Variants in KIAA1217 observed in about 807,000 individuals in gnomAD.
KIAA1217 encodes the protein sickle tail protein homolog.
KIAA1217 carries 88 observed loss-of-function variants against 163.9 expected under a neutral mutation model. The ratio of observed to expected loss-of-function variants is 0.54; its 90% CI spans 0.45 to 0.64. The LOEUF (loss-of-function observed/expected upper bound fraction) is 0.64, where lower values mean the gene tolerates loss of function less well. KIAA1217 is among the 30% of genes least tolerant of loss of function. The pLI is 0.00. For missense variants in KIAA1217, 2,372 were observed against 2,475.0 expected, an observed-to-expected ratio of 0.96 and a Z score of 0.88; for synonymous variants, 903 against 923.1, an observed-to-expected ratio of 0.98 and a Z score of 0.39.
intron 17 of KIAA1217, among the ~76,000 whole-genome samples, chr10:24,538,598 AAGGAAGGAAAAAGAG>A (rs1265320466): frequency 0.021 from 1,549 of 74,854 alleles, 31 homozygotes; most frequent in African/African-American, 0.054. Context: ...GGAAGGAAGG[AAGGAAGGAAAAAGAG>A]AGGAAGGAAA....
chr10:24,325,526 T>G (rs894658411), intron 2 of KIAA1217, among the ~76,000 whole-genome samples: 22 of 152,260 alleles, frequency 1.4e-4, no homozygotes, highest in African/African-American at 5.1e-4. Context: ...AGGTCTCAGA[T>G]AGTTAAGGCA....
At chr10:24,097,297 A>G (rs2062201976) in intron 2 of KIAA1217, among the ~76,000 whole-genome samples, 1 of 152,204 alleles carries the variant, frequency 6.6e-6, no homozygotes, top group Non-Finnish European at 1.5e-5. Flanking sequence ...CATGCCTATA[A>G]TCCCAGTTAC....
chr10:24,223,062 G>C (rs2069884479), intron 2 of KIAA1217, among the ~76,000 whole-genome samples: 1 of 152,132 alleles, frequency 6.6e-6, no homozygotes, highest in Non-Finnish European at 1.5e-5. Flanking sequence ...GGCCATGTTG[G>C]TTTGGTAGGT....
intron 1 of KIAA1217, among the ~76,000 whole-genome samples, chr10:23,899,725 G>T (rs966811393): frequency 6.6e-6 from 1 of 152,064 alleles, no homozygotes; most frequent in Non-Finnish European, 1.5e-5. Flanking sequence ...AAAGCTCAGA[G>T]GACCACAGTC....
chr10:24,510,871 A>T (rs1369015466), intron 9 of KIAA1217, among the ~76,000 whole-genome samples: 1 of 152,106 alleles, frequency 6.6e-6, no homozygotes, highest in Non-Finnish European at 1.5e-5. Flanking sequence ...CCATTTAGAG[A>T]AGAATTTTGG....
intron 2 of KIAA1217, among the ~76,000 whole-genome samples, chr10:24,120,651 T>G (rs1161046160): frequency 6.6e-6 from 1 of 152,208 alleles, no homozygotes; most frequent in Admixed American, 6.5e-5. Flanking sequence ...CAGTAGACTT[T>G]GCCTTCTTTA....
chr10:24,494,079 T>C (rs1268889634), intron 6 of KIAA1217, among the ~76,000 whole-genome samples: 1 of 152,072 alleles, frequency 6.6e-6, no homozygotes, highest in Non-Finnish European at 1.5e-5. Flanking sequence ...CCAAAACCAC[T>C]CCGCAGCCTC....
intron 2 of KIAA1217, among the ~76,000 whole-genome samples, chr10:24,371,407 A>G (rs974040988): frequency 6.6e-6 from 1 of 152,210 alleles, no homozygotes; most frequent in Non-Finnish European, 1.5e-5. Context: ...AAAATTCCAA[A>G]TTTACCTAGA....
At chr10:24,484,302 T>TG (rs2065112647) in intron 6 of KIAA1217, among the ~76,000 whole-genome samples, 2 of 139,300 alleles carry the variant, frequency 1.4e-5, no homozygotes, top group African/African-American at 5.3e-5. Context: ...TGGAGTGCAG[T>TG]GGCATGATCT....
chr10:23,974,908 C>G (rs767830165), intron 1 of KIAA1217, among the ~76,000 whole-genome samples: 50 of 149,750 alleles, frequency 3.3e-4, no homozygotes, highest in Non-Finnish European at 6.1e-4. Context: ...TAGGCATCTG[C>G]TCTTTGGCCA....
rs1236254771 is a variant in KIAA1217 at position 24,108,698 on chromosome 10, T to C, written c.-171+101324T>C. On this transcript the variant is annotated intron_variant, in intron 2 of 18. Coordinates refer to the KIAA1217 transcript ENST00000376462. ...TTATTGTCATGTCACAGAATGATAC[T>C]TGATAAGTCTATTCAATCATGCCAA... 3.3e-5 allele frequency among the ~76,000 whole-genome samples: 5 copies of C among 152,208 alleles called. No individual in the cohort carries two copies. The East Asian group carries it at 9.6e-4, about 29-fold the overall frequency.
intron 1 of KIAA1217, among the ~76,000 whole-genome samples, chr10:23,884,626 A>T (rs139857740): frequency 1.0e-3 from 157 of 152,072 alleles, no homozygotes; most frequent in Non-Finnish European, 1.3e-3. Context: ...CAAGGTAGGG[A>T]GGCCTCTTTC....
intron 2 of KIAA1217, among the ~76,000 whole-genome samples, chr10:24,098,715 G>A (rs2062262208): frequency 1.3e-5 from 2 of 148,692 alleles, no homozygotes; most frequent in African/African-American, 5.1e-5. Flanking sequence ...CCTCCCCTCT[G>A]AAGGGGAGCG....
At chr10:24,483,806 C>A (rs2133379915) in intron 6 of KIAA1217, among the ~76,000 whole-genome samples, 1 of 152,266 alleles carries the variant, frequency 6.6e-6, no homozygotes, top group South Asian at 2.1e-4. Context: ...CACAAATGTT[C>A]CAGATTAGCC....
At chr10:23,817,984 T>TACAC (rs1564447633) in intron 1 of KIAA1217, among the ~76,000 whole-genome samples, 1 of 116,512 alleles carries the variant, frequency 8.6e-6, no homozygotes, top group African/African-American at 3.5e-5. Flanking sequence ...TATATATATA[T>TACAC]ATATATATAT....
At chr10:24,444,138 G>A (rs934341335) in intron 5 of KIAA1217, among the ~76,000 whole-genome samples, 1 of 152,062 alleles carries the variant, frequency 6.6e-6, no homozygotes, top group African/African-American at 2.4e-5. Context: ...AGCCTCTTGA[G>A]TAGCCGGGAC....
intron 2 of KIAA1217, among the ~76,000 whole-genome samples, chr10:24,086,525 T>C (rs1241843471): frequency 6.6e-6 from 1 of 152,226 alleles, no homozygotes; most frequent in East Asian, 1.9e-4. Context: ...GTAAGAATTC[T>C]GAATCTTATC....
At chr10:23,805,996 CAA>C (rs71397917) in intron 1 of KIAA1217, among the ~76,000 whole-genome samples, 94 of 30,494 alleles carry the variant, frequency 3.1e-3, no homozygotes, top group African/African-American at 0.01. Context: ...AACTCCATCT[CAA>C]AAAAAAAAAA....
intron 2 of KIAA1217, chr10:24,367,193 T>C (rs1223564450): frequency 3.1e-6 from 3 of 983,536 alleles, no homozygotes; most frequent in East Asian, 2.3e-4. Flanking sequence ...TTGAATCGTC[T>C]CAGCGAGTTA....
Sources: gnomAD v4.1 joint callset for allele counts (sites outside exome capture counted in the v4.1 genomes callset) on GRCh38, gnomAD v4.1.1 for gene constraint, MANE v1.5 for transcripts, NCBI Gene and HGNC (gene_info 2026-07-23, HGNC 2026-07-21) for gene names.